HEATR4: variants seen among roughly 807,000 people sequenced by gnomAD.
The protein encoded by HEATR4 is HEAT repeat containing 4.
A neutral mutation model predicts 108.8 loss-of-function variants in HEATR4; 95 were observed. The ratio of observed to expected loss-of-function variants is 0.87; its 90% CI spans 0.74 to 1.04. The LOEUF (loss-of-function observed/expected upper bound fraction) is 1.04, where lower values mean the gene tolerates loss of function less well. Ranked by LOEUF, HEATR4 falls within the 50% of genes least tolerant of loss-of-function variation. The pLI is 0.00. For synonymous variants in HEATR4, 443 were observed against 459.4 expected (o/e 0.96, Z 0.46); for missense variants, 1,152 against 1,253.8 (o/e 0.92, Z 1.23).
chr14:73,603,329 T>C, the HEATR4 span, among the ~76,000 whole-genome samples: 1 of 152,124 alleles, frequency 6.6e-6, no homozygotes, highest in Non-Finnish European at 1.5e-5. Flanking sequence ...ACATTTGCAT[T>C]TTACCAATAA....
At chr14:73,567,217 G>A in the HEATR4 span, among the ~76,000 whole-genome samples, 2 of 152,052 alleles carry the variant, frequency 1.3e-5, no homozygotes, top group Non-Finnish European at 2.9e-5. Context: ...GATTACAGGC[G>A]TGAGCCATCT....
the HEATR4 span, among the ~76,000 whole-genome samples, chr14:73,608,722 C>T: frequency 6.6e-6 from 1 of 152,164 alleles, no homozygotes; most frequent in Non-Finnish European, 1.5e-5. Context: ...CTCTGTGATA[C>T]TAACTTACTG....
At chr14:73,493,252 C>A in intron 16 of HEATR4, 128 bp from the exon 17 acceptor site, 1 of 723,472 alleles carries the variant, frequency 1.4e-6, no homozygotes, top group Non-Finnish European at 2.3e-6. Context: ...TGTCGTTCTG[C>A]TTGAGACAGA....
the HEATR4 span, among the ~76,000 whole-genome samples, chr14:73,608,525 C>T: frequency 6.6e-6 from 1 of 152,306 alleles, no homozygotes. Flanking sequence ...TTTAATGAGC[C>T]TCTAGGAAGT....
chr14:73,494,537 G>A (rs1432346237), intron 16 of HEATR4, among the ~76,000 whole-genome samples: 1 of 152,002 alleles, frequency 6.6e-6, no homozygotes, highest in Non-Finnish European at 1.5e-5. Flanking sequence ...CCAGAGACAA[G>A]CACTATTTTT....
intron 7 of HEATR4, among the ~76,000 whole-genome samples, chr14:73,511,678 T>C (rs371512665): frequency 6.6e-6 from 1 of 152,042 alleles, no homozygotes; most frequent in Middle Eastern, 3.2e-3. Context: ...AGTTCAAGAC[T>C]AGCCTGGTCA....
At chr14:73,627,884 C>G in the HEATR4 span, among the ~76,000 whole-genome samples, 12 of 151,976 alleles carry the variant, frequency 7.9e-5, no homozygotes, top group Admixed American at 7.9e-4. Context: ...GTGTTGTTCA[C>G]TGCAACTTCC....
chr14:73,551,559 A>G (rs35085937), intron 1 of HEATR4, among the ~76,000 whole-genome samples: 6,906 of 112,858 alleles, frequency 0.061, 1,587 homozygotes, highest in Middle Eastern at 0.15. Context: ...TGTAATCCCA[A>G]CACTTTGGGA....
chr14:73,608,959 T>C, the HEATR4 span, among the ~76,000 whole-genome samples: 2 of 152,124 alleles, frequency 1.3e-5, no homozygotes, highest in African/African-American at 4.8e-5. Flanking sequence ...GAGAACTCAC[T>C]CACTATCACC....
chr14:73,572,702 G>A, the HEATR4 span, among the ~76,000 whole-genome samples: 2 of 144,230 alleles, frequency 1.4e-5, no homozygotes, highest in African/African-American at 5.1e-5. Context: ...GGCTGGAGTA[G>A]TGGCACAATC....
chr14:73,499,613 C>A (rs539465453), intron 12 of HEATR4, among the ~76,000 whole-genome samples: 2 of 152,158 alleles, frequency 1.3e-5, no homozygotes, highest in Non-Finnish European at 2.9e-5. Context: ...AAAGTACCAA[C>A]CTATATGCAT....
At chr14:73,506,025 G>A (rs1261586804) in intron 10 of HEATR4, among the ~76,000 whole-genome samples, 1 of 151,442 alleles carries the variant, frequency 6.6e-6, no homozygotes, top group Non-Finnish European at 1.5e-5. Flanking sequence ...CAAGTAGCAG[G>A]GATTATAGGC....
At chr14:73,615,399 A>AT in the HEATR4 span, among the ~76,000 whole-genome samples, 1 of 143,818 alleles carries the variant, frequency 7.0e-6, no homozygotes, top group Non-Finnish European at 1.5e-5. Flanking sequence ...AAAAAAAAAA[A>AT]AAAAAAAACA....
At chr14:73,623,659 G>C in the HEATR4 span, among the ~76,000 whole-genome samples, 14 of 152,096 alleles carry the variant, frequency 9.2e-5, no homozygotes, top group African/African-American at 1.7e-4. Context: ...CTAGGTGACA[G>C]AGCAAGATCC....
the HEATR4 span, chr14:73,619,711 G>A: frequency 0.073 from 118,130 of 1,614,086 alleles, 5,071 homozygotes; most frequent in Non-Finnish European, 0.088. Context: ...TGTTTTGGGT[G>A]AGGCAATATT....
chr14:73,574,369 A>G, the HEATR4 span: 2 of 175,826 alleles, frequency 1.1e-5, no homozygotes, highest in Non-Finnish European at 2.4e-5. Context: ...GGTTCAATTG[A>G]TTCTTCTGCC....
At chr14:73,595,037 C>T in the HEATR4 span, 38 of 1,611,960 alleles carry the variant, frequency 2.4e-5, no homozygotes, top group South Asian at 4.2e-4. Context: ...CTCCTCTCTT[C>T]TTTTCTTCCA....
At chr14:73,589,049 G>A in the HEATR4 span, among the ~76,000 whole-genome samples, 3 of 151,946 alleles carry the variant, frequency 2.0e-5, no homozygotes, top group African/African-American at 7.3e-5. Flanking sequence ...CCACCAGAAT[G>A]GTACATTTGT....
intron 17 of HEATR4, among the ~76,000 whole-genome samples, chr14:73,482,912 C>T (rs1229331782): frequency 1.3e-5 from 2 of 152,190 alleles, no homozygotes; most frequent in Non-Finnish European, 2.9e-5. Flanking sequence ...CCACCCATCT[C>T]AGCCTCCCAA....
Sources: gnomAD v4.1 joint callset for allele counts (sites outside exome capture counted in the v4.1 genomes callset) on GRCh38, gnomAD v4.1.1 for gene constraint, MANE v1.5 for transcripts, NCBI Gene and HGNC (gene_info 2026-07-23, HGNC 2026-07-21) for gene names.